ARHGAP15: variants seen among roughly 807,000 people sequenced by gnomAD.
The protein encoded by ARHGAP15 is rho GTPase-activating protein 15.
ARHGAP15 carries 51 observed loss-of-function variants against 63.7 expected under a neutral mutation model. The ratio of observed to expected loss-of-function variants is 0.80; its 90% CI spans 0.64 to 1.01. The LOEUF (loss-of-function observed/expected upper bound fraction) is 1.01. ARHGAP15 is among the 50% of genes least tolerant of loss of function. The pLI is 0.00. For synonymous variants in ARHGAP15, 191 were observed against 193.8 expected, an observed-to-expected ratio of 0.99 and a Z score of 0.12; for missense variants, 560 against 564.6, an observed-to-expected ratio of 0.99 and a Z score of 0.08.
intron 12 of ARHGAP15, among the ~76,000 whole-genome samples, chr2:143,699,273 C>T (rs1478665420): frequency 6.6e-6 from 1 of 152,126 alleles, no homozygotes; most frequent in Non-Finnish European, 1.5e-5. Flanking sequence ...CACTGCTTTA[C>T]TATAACCTTT....
intron 6 of ARHGAP15, among the ~76,000 whole-genome samples, chr2:143,341,045 T>C (rs532936266): frequency 6.6e-6 from 1 of 152,212 alleles, no homozygotes; most frequent in East Asian, 1.9e-4. Context: ...GTTTTGTCCA[T>C]TGATGATTTG....
chr2:143,346,888 T>G (rs1226493332), intron 6 of ARHGAP15, among the ~76,000 whole-genome samples: 1 of 152,120 alleles, frequency 6.6e-6, no homozygotes, highest in African/African-American at 2.4e-5. Context: ...TGATGTATGT[T>G]TCTTACATGG....
At chr2:143,397,909 A>C (rs941336072) in intron 6 of ARHGAP15, among the ~76,000 whole-genome samples, 2 of 152,168 alleles carry the variant, frequency 1.3e-5, no homozygotes, top group African/African-American at 4.8e-5. Flanking sequence ...TTCTCAAAGA[A>C]AGCAAGAAAT....
chr2:143,238,482 AC>A (rs1192311405), intron 5 of ARHGAP15: 3 of 152,224 alleles, frequency 2.0e-5, no homozygotes, highest in African/African-American at 7.2e-5. Context: ...GTAAATCAAA[AC>A]CACAATGAGA....
At chr2:143,458,272 TACTC>T (rs1358894885) in intron 8 of ARHGAP15, among the ~76,000 whole-genome samples, 18 of 152,172 alleles carry the variant, frequency 1.2e-4, no homozygotes, top group Non-Finnish European at 2.5e-4. Flanking sequence ...AATTTTCAAA[TACTC>T]AAGTAATGAT....
At chr2:143,496,792 G>A (rs911581291) in intron 9 of ARHGAP15, among the ~76,000 whole-genome samples, 3 of 152,194 alleles carry the variant, frequency 2.0e-5, no homozygotes, top group African/African-American at 7.2e-5. Context: ...TATGCTTAAT[G>A]CTGGGAATGT....
At chr2:143,217,521 T>C (rs1692801947) in intron 4 of ARHGAP15, among the ~76,000 whole-genome samples, 1 of 152,036 alleles carries the variant, frequency 6.6e-6, no homozygotes, top group African/African-American at 2.4e-5. Context: ...CCTTGAAGAG[T>C]TCAGGAGAGA....
At chr2:143,591,614 C>CTTTTTTTTTTTT (rs67060048) in intron 11 of ARHGAP15, among the ~76,000 whole-genome samples, 1 of 124,108 alleles carries the variant, frequency 8.1e-6, no homozygotes, top group Non-Finnish European at 1.8e-5. Flanking sequence ...TTTGTTTGTT[C>CTTTTTTTTTTTT]TTTTTTTTTT....
intron 11 of ARHGAP15, among the ~76,000 whole-genome samples, chr2:143,585,318 A>G (rs1243649761): frequency 6.6e-6 from 1 of 152,186 alleles, no homozygotes; most frequent in East Asian, 1.9e-4. Flanking sequence ...GAATATTTAA[A>G]TAACTGCTAT....
At chr2:143,479,342 T>G (rs932418815) in intron 8 of ARHGAP15, among the ~76,000 whole-genome samples, 5 of 152,038 alleles carry the variant, frequency 3.3e-5, no homozygotes, top group Middle Eastern at 3.4e-3. Flanking sequence ...TTTTGGGGTT[T>G]TTTTTTTTTC....
At chr2:143,535,202 T>C (rs1332939171) in intron 10 of ARHGAP15, among the ~76,000 whole-genome samples, 2 of 152,280 alleles carry the variant, frequency 1.3e-5, no homozygotes, top group Admixed American at 6.5e-5. Context: ...CTTTGGATAA[T>C]AGCAACCACT....
At chr2:143,636,035 T>A (rs1170017773) in intron 12 of ARHGAP15, among the ~76,000 whole-genome samples, 2 of 152,160 alleles carry the variant, frequency 1.3e-5, no homozygotes, top group Non-Finnish European at 2.9e-5. Flanking sequence ...AGTCCATGAT[T>A]ACTGTCTAGC....
At chr2:143,667,209 G>T (rs1682251747) in intron 12 of ARHGAP15, among the ~76,000 whole-genome samples, 1 of 148,754 alleles carries the variant, frequency 6.7e-6, no homozygotes, top group Non-Finnish European at 1.5e-5. Context: ...AGAAAATGTG[G>T]CACATATACA....
chr2:143,224,448 G>A lies in ARHGAP15; in HGVS notation c.297-4133G>A, dbSNP rs185196766. Among the ~76,000 whole-genome samples, 47 of 152,166 alleles carry A rather than the reference G, an allele frequency of 3.1e-4. 1 individual carries two copies. Among genetic ancestry groups the A allele is most frequent in the Admixed American group, 2.7e-3 (41 of 15,286 alleles). ...AATGTCAAACAGTATGCCCAGTACTGGAAATGCTCTTAAGAGGAGAGAGGT... is the reference window on the plus strand; with the variant it reads ...AATGTCAAACAGTATGCCCAGTACTAGAAATGCTCTTAAGAGGAGAGAGGT... On this transcript the variant is annotated intron_variant, in intron 4 of 13. Coordinates refer to ENST00000295095, the MANE Select transcript of ARHGAP15 (RefSeq NM_018460.4).
At chr2:143,638,010 G>C (rs1234344698) in intron 12 of ARHGAP15, among the ~76,000 whole-genome samples, 8 of 150,160 alleles carry the variant, frequency 5.3e-5, no homozygotes, top group Non-Finnish European at 1.0e-4. Flanking sequence ...AACAGGTGCT[G>C]GAGAGGATGT....
rs1030218974 is a variant in ARHGAP15 at position 143,228,594 on chromosome 2, A to G, written c.310A>G (p.Thr104Ala). 6 of 1,607,554 alleles carry G rather than the reference A, an allele frequency of 3.7e-6. No homozygotes were observed. Among genetic ancestry groups the G allele is most frequent in the Admixed American group, 3.4e-5 (2 of 59,226 alleles). ...TTTTGTCCTAAGGAAAAACTGGTCT[A>G]CTTCCTGGATTGTTCTTTCTAGTCG... ...GGKKLRKNWS[T>A]SWIVLSSRRI... Residue 104 changes from threonine to alanine, a missense_variant, in exon 5 of 14, where the codon ACT (threonine) becomes GCT (alanine). Thr to Ala is a moderately conservative substitution (Grantham distance 58). Coordinates refer to ENST00000295095, the MANE Select transcript of ARHGAP15 (RefSeq NM_018460.4).
chr2:143,541,852 C>G (rs532398833), intron 10 of ARHGAP15, among the ~76,000 whole-genome samples: 1 of 152,228 alleles, frequency 6.6e-6, no homozygotes, highest in Non-Finnish European at 1.5e-5. Context: ...GCAGTCTGCC[C>G]GTTCTCAGAT....
In ARHGAP15 at chr2:143,489,585, T is replaced by G. The variant is rs1421437663; in HGVS notation, c.826+2090T>G. Among the ~76,000 whole-genome samples the G allele has an allele frequency of 3.3e-5, 5 of 152,340 alleles. No individual in the cohort carries two copies. In the South Asian group the frequency reaches 8.3e-4, roughly 25 times the overall value. On this transcript the variant is annotated intron_variant, in intron 9 of 13. Coordinates refer to ENST00000295095, the MANE Select transcript of ARHGAP15 (RefSeq NM_018460.4). ...CGGTAAAAGGCATTAAACCAATTTT[T>G]AAAAATACCTGGCTAGTCACACTTA... is the stretch of plus-strand genomic sequence containing the variant.
intron 10 of ARHGAP15, among the ~76,000 whole-genome samples, chr2:143,529,139 A>G (rs1218204873): frequency 2.0e-5 from 3 of 152,218 alleles, no homozygotes; most frequent in East Asian, 3.9e-4. Context: ...AACTAAACTC[A>G]TCACTTTTCC....
Sources: allele counts gnomAD v4.1 joint callset (sites outside exome capture counted in the v4.1 genomes callset), GRCh38; gene constraint gnomAD v4.1.1; transcripts MANE v1.5; gene names NCBI Gene and HGNC (gene_info 2026-07-23, HGNC 2026-07-21).